The following TPP2 variants were observed in gnomAD, a reference collection of about 807,000 sequenced individuals.
TPP2 encodes the protein tripeptidyl peptidase 2.
A neutral mutation model predicts 155.9 loss-of-function variants in TPP2; 34 were observed. The ratio of observed to expected loss-of-function variants is 0.22; its 90% confidence interval spans 0.17 to 0.29. The LOEUF (loss-of-function observed/expected upper bound fraction) is 0.29, where lower values mean the gene tolerates loss of function less well. TPP2 is among the 10% of genes least tolerant of loss of function. TPP2 has a pLI of 1.00. For synonymous variants in TPP2, 510 were observed against 529.4 expected, an observed-to-expected ratio of 0.96 and a Z score of 0.50; for missense variants, 1,028 against 1,522.3, an observed-to-expected ratio of 0.68 and a Z score of 5.40.
At chr13:102,622,756 A>G (rs1881253995) in intron 5 of TPP2, 121 bp from the exon 6 acceptor site, 6 of 1,112,808 alleles carry the variant, frequency 5.4e-6, no homozygotes, top group African/African-American at 1.6e-5. Flanking sequence ...GGCAGTCATT[A>G]TATTTATATT....
chr13:102,643,089 G>C, intron 16 of TPP2, 133 bp from the exon 17 acceptor site: 1 of 696,586 alleles, frequency 1.4e-6, no homozygotes, highest in Non-Finnish European at 2.1e-6. Context: ...GCAGATTTGA[G>C]TGTACATTTT....
At position 102,623,102 on chromosome 13, in the gene TPP2, C is replaced by G. The variant is rs952530169; in HGVS notation, c.784+62C>G. 10 of 1,510,142 alleles carry G rather than the reference C, an allele frequency of 6.6e-6. No individual in the cohort carries two copies. In the African/African-American group the frequency reaches 1.3e-4, roughly 19 times the overall value. The allele number at this position is 1,510,142 out of a possible 1,614,324, so 93.5% of individuals were successfully genotyped here. On this transcript the variant is annotated intron_variant, in intron 6 of 29. Transcript: ENST00000376052. ...TATGAGGTGATAAAGTGGTACGTTG[C>G]GATAGCTCACAGCAACCTTCTAGAG... is the stretch of plus-strand genomic sequence containing the variant.
intron 27 of TPP2, among the ~76,000 whole-genome samples, chr13:102,667,425 C>G (rs117215369): frequency 8.5e-5 from 13 of 152,292 alleles, no homozygotes; most frequent in Non-Finnish European, 1.5e-4. Context: ...AAGATAGTCT[C>G]TACTCTTATG....
chr13:102,606,773 T>C (rs1428465792), intron 2 of TPP2, among the ~76,000 whole-genome samples: 1 of 152,220 alleles, frequency 6.6e-6, no homozygotes, highest in Non-Finnish European at 1.5e-5. Context: ...GACGTGGGTC[T>C]TCTTAGAAAT....
rs779888676 is a variant in TPP2, at chr13:102,674,389, A to G, written c.3478A>G (p.Thr1160Ala). 1.9e-6 allele frequency: 3 copies of G among 1,613,982 alleles called. No individual in the cohort carries two copies. The South Asian group carries it at 3.3e-5, about 18-fold the overall frequency. The change falls in exon 28 of 30, where the codon ACT (threonine) becomes GCT (alanine). Residue 1160 changes from threonine (T) to alanine (A), a missense_variant. Around this residue, in one of 7 missense-constraint regions of TPP2, gnomAD observed 116 missense variants for 117.3 expected, o/e 0.99. Transcript: ENST00000376052. Reference sequence around the variant, plus strand: ...CCAGGCTCAAGACGGAGCCATTTCCACTGATGCAGAAGGAAAGGAGGAGGA... The same window carrying G: ...CCAGGCTCAAGACGGAGCCATTTCCGCTGATGCAGAAGGAAAGGAGGAGGA... ...HTQAQDGAIS[T>A]DAEGKEEEGE...
intron 5 of TPP2, among the ~76,000 whole-genome samples, chr13:102,622,340 C>A: frequency 6.6e-6 from 1 of 152,302 alleles, no homozygotes; most frequent in East Asian, 1.9e-4. Context: ...AATTTAAAAA[C>A]TATTTTAGTT....
intron 27 of TPP2, among the ~76,000 whole-genome samples, chr13:102,668,700 G>T (rs757812535): frequency 6.6e-6 from 1 of 152,200 alleles, no homozygotes; most frequent in African/African-American, 2.4e-5. Flanking sequence ...TCCCAATAGC[G>T]TGTAGCAGGT....
intron 27 of TPP2, among the ~76,000 whole-genome samples, chr13:102,670,532 T>C (rs1186899833): frequency 6.6e-6 from 1 of 152,216 alleles, no homozygotes; most frequent in Admixed American, 6.5e-5. Flanking sequence ...TGGGGAATGC[T>C]TAGTAGGAAA....
At chr13:102,640,217 A>G in intron 15 of TPP2, 53 bp from the exon 16 acceptor site, 3 of 1,301,882 alleles carry the variant, frequency 2.3e-6, no homozygotes, top group African/African-American at 1.5e-5. Flanking sequence ...AATCTAGAGT[A>G]TCTGTGGTCT....
At chr13:102,656,111 C>G (rs1219062177) in intron 24 of TPP2, among the ~76,000 whole-genome samples, 1 of 152,060 alleles carries the variant, frequency 6.6e-6, no homozygotes, top group Non-Finnish European at 1.5e-5. Flanking sequence ...TGTCTTCTTG[C>G]CTCCACCTTT....
At chr13:102,623,406 A>C (rs906256998) in intron 6 of TPP2, among the ~76,000 whole-genome samples, 17 of 152,152 alleles carry the variant, frequency 1.1e-4, no homozygotes, top group African/African-American at 3.9e-4. Flanking sequence ...TCTACTAAAA[A>C]TATAGAATTA....
rs2139477912 is a variant in TPP2 at position 102,627,148 on chromosome 13, C to G, written c.921C>G (p.Gly307=). ...CAAGACTAAGCACAATGGAAACAGG[C>G]ACAGGCCTCATAAGAGCTGTGAGTG... The part of the protein sequence containing the change: ...GDTRLSTMET[G]TGLIRAMIEV... The change falls in exon 7 of 30, where the codon GGC becomes GGG. Residue 307 remains glycine, a synonymous_variant. Coordinates refer to ENST00000376052, the MANE Select transcript of TPP2 (RefSeq NM_001330588.2). 1.6e-5 allele frequency: 26 copies of G among 1,599,682 alleles called. No individual in the cohort carries two copies. The highest frequency in any genetic ancestry group is 2.2e-5 in the Non-Finnish European group (26 of 1,174,076).
intron 24 of TPP2, among the ~76,000 whole-genome samples, chr13:102,652,629 A>AAAT (rs5806316): frequency 0.5 from 75,095 of 151,216 alleles, 18,981 homozygotes; most frequent in African/African-American, 0.6. Context: ...ATAACAGCTT[A>AAAT]TCCTTTATTA....
chr13:102,624,391 A>G (rs1244815375), intron 6 of TPP2, among the ~76,000 whole-genome samples: 1 of 152,190 alleles, frequency 6.6e-6, no homozygotes, highest in African/African-American at 2.4e-5. Context: ...ACATACATAC[A>G]TATACATAAT....
chr13:102,654,867 G>A (rs1282486718), intron 24 of TPP2: 4 of 442,034 alleles, frequency 9.0e-6, no homozygotes, highest in Admixed American at 4.9e-5. Context: ...CTCAGATTTT[G>A]CGCTTACCTT....
In TPP2 at chr13:102,614,876, C is replaced by T. The variant is rs1440611964; in HGVS notation, c.390+680C>T. 6.0e-5 allele frequency among the ~76,000 whole-genome samples: 9 copies of T among 149,508 alleles called. No homozygotes were observed. In the East Asian group the frequency reaches 1.0e-3, roughly 17 times the overall value. ...TTTGAAATATGTTTAGTGTGACTGACGAATTGAAATTTTATCTTAGTAATA... is the reference window on the plus strand; with the variant it reads ...TTTGAAATATGTTTAGTGTGACTGATGAATTGAAATTTTATCTTAGTAATA... On this transcript the variant is annotated intron_variant, in intron 3 of 29. Coordinates refer to ENST00000376052, the MANE Select transcript of TPP2 (RefSeq NM_001330588.2).
At chr13:102,652,351 G>A (rs1883553913) in intron 24 of TPP2, among the ~76,000 whole-genome samples, 1 of 149,138 alleles carries the variant, frequency 6.7e-6, no homozygotes. Flanking sequence ...CTGCACTCCA[G>A]TCTGGGTGAC....
chr13:102,611,255 T>C (rs1413520284), intron 2 of TPP2, among the ~76,000 whole-genome samples: 1 of 152,224 alleles, frequency 6.6e-6, no homozygotes, highest in African/African-American at 2.4e-5. Context: ...CCAGAATGTG[T>C]GCATAGGAGT....
At chr13:102,666,388 A>C (rs952224868) in intron 27 of TPP2, among the ~76,000 whole-genome samples, 1 of 152,110 alleles carries the variant, frequency 6.6e-6, no homozygotes, top group Non-Finnish European at 1.5e-5. Flanking sequence ...ACCCATCCTC[A>C]TTGTGTTCCT....
Sources: allele counts gnomAD v4.1 joint callset (sites outside exome capture counted in the v4.1 genomes callset), GRCh38; gene constraint gnomAD v4.1.1; regional missense constraint gnomAD v4.1.1; transcripts MANE v1.5; gene names NCBI Gene and HGNC (gene_info 2026-07-23, HGNC 2026-07-21).